The following NOS1 variants were observed in gnomAD, a reference collection of about 807,000 sequenced individuals.
The protein encoded by NOS1 is NOS type I.
In NOS1, 51 loss-of-function variants were observed where a neutral mutation model predicts 164.5. The ratio of observed to expected loss-of-function variants is 0.31; its 90% CI spans 0.25 to 0.39. The LOEUF is 0.39. Ranked by LOEUF, NOS1 falls within the 10% of genes least tolerant of loss-of-function variation. The pLI is 1.00. For missense variants in NOS1, 1,362 were observed against 1,885.6 expected, an observed-to-expected ratio of 0.72 and a Z score of 5.14; for synonymous variants, 719 against 745.8, an observed-to-expected ratio of 0.96 and a Z score of 0.59.
chr12:117,299,368 G>A (rs1485200469), intron 3 of NOS1, among the ~76,000 whole-genome samples: 3 of 152,166 alleles, frequency 2.0e-5, no homozygotes, highest in Non-Finnish European at 2.9e-5. Flanking sequence ...GCCGGGCGCG[G>A]TGGCTCACGC....
At chr12:117,280,204 C>A (rs937597893) in intron 8 of NOS1, among the ~76,000 whole-genome samples, 6 of 152,188 alleles carry the variant, frequency 3.9e-5, no homozygotes, top group Admixed American at 3.9e-4. Context: ...TTGACTTGGG[C>A]TACCAGTAAC....
At position 117,330,439 on chromosome 12, in the gene NOS1, G is replaced by T; in HGVS notation, c.631C>A (p.Pro211Thr). Residue 211 changes from proline (P) to threonine (T), a missense_variant, in exon 2 of 29, where the codon CCT becomes ACT. Coordinates refer to ENST00000317775, the MANE Select transcript of NOS1 (RefSeq NM_000620.5). The surrounding 1 kb of genome is among the most constrained non-coding windows in gnomAD (Gnocchi z 4.6). ...CCACTGGTGAGAAGGCTCAGCACAG[G>T]CTCTATCTCCTTGAGCAGTTCATTG... is the stretch of plus-strand genomic sequence containing the variant. ...ENNELLKEIE[P>T]VLSLLTSGSR... 1 of 1,614,170 alleles carries T rather than the reference G, an allele frequency of 6.2e-7. No homozygotes were observed. The highest frequency in any genetic ancestry group is 2.2e-5 in the East Asian group (1 of 44,860).
chr12:117,208,321 C>T lies in NOS1; in HGVS notation c.*6988G>A. On this transcript the variant is annotated 3_prime_UTR_variant, in exon 29 of 29. Transcript: ENST00000317775. Reference sequence around the variant, plus strand: ...GTCCTTCAAGGAAGGTGCTGGAGCACAGGGACACTTGGCAGAGATTAGCAG... The same window carrying T: ...GTCCTTCAAGGAAGGTGCTGGAGCATAGGGACACTTGGCAGAGATTAGCAG... 1 of 1,288,682 alleles carries T rather than the reference C, an allele frequency of 7.8e-7. No individual in the cohort carries two copies. The highest frequency in any genetic ancestry group is 1.0e-6 in the Non-Finnish European group (1 of 988,698). The allele number at this position is 1,288,682 out of a possible 1,614,324, so 79.8% of individuals were successfully genotyped here.
rs369881087 is a variant in NOS1, at chr12:117,222,898, T to C, written c.3827-35A>G. ...AGGAAGACCTTATGTCACCGATGGC[T>C]CTCTGCCTGATGTGCAGGGTGGCTG... On this transcript the variant is annotated intron_variant, in intron 25 of 28. Coordinates refer to ENST00000317775, the MANE Select transcript of NOS1 (RefSeq NM_000620.5). 2.5e-6 allele frequency: 4 copies of C among 1,603,334 alleles called. No individual in the cohort carries two copies. In the African/African-American group the frequency reaches 5.4e-5, roughly 21 times the overall value.
At chr12:117,221,318 C>T (rs1473476202) in intron 26 of NOS1, among the ~76,000 whole-genome samples, 1 of 146,782 alleles carries the variant, frequency 6.8e-6, no homozygotes. Flanking sequence ...CCACACCTGG[C>T]TTTTTTTTTT....
chr12:117,230,764 C>T lies in NOS1; in HGVS notation c.3405+1198G>A, dbSNP rs552134149. On this transcript the variant is annotated intron_variant, in intron 22 of 28. Coordinates refer to ENST00000317775, the MANE Select transcript of NOS1 (RefSeq NM_000620.5). ...CAGAGACCTCTGATCTCTAATAGTC[C>T]CCCCTGCAGCTCCTCTGCATTGGCA... is the stretch of plus-strand genomic sequence containing the variant. Among the ~76,000 whole-genome samples, 18 of 152,254 alleles carry T rather than the reference C, an allele frequency of 1.2e-4. No individual in the cohort carries two copies. In the South Asian group the frequency reaches 3.5e-3, roughly 30 times the overall value.
At chr12:117,346,952 G>A (rs1876381539) in intron 1 of NOS1, among the ~76,000 whole-genome samples, 1 of 152,164 alleles carries the variant, frequency 6.6e-6, no homozygotes, top group African/African-American at 2.4e-5. Context: ...GGTTAATACA[G>A]TTAAATTTTT....
chr12:117,357,030 G>C (rs549644719), intron 1 of NOS1, among the ~76,000 whole-genome samples: 4 of 152,260 alleles, frequency 2.6e-5, no homozygotes, highest in South Asian at 2.1e-4. Flanking sequence ...CTTATAAAAG[G>C]AATTTTTCTA....
chr12:117,358,664 G>A (rs138041554), intron 1 of NOS1, among the ~76,000 whole-genome samples: 12 of 152,318 alleles, frequency 7.9e-5, no homozygotes, highest in Middle Eastern at 6.8e-3. Context: ...GCTCAGAAAG[G>A]TTAAGTGATC....
rs1003685535 is a variant in NOS1, at chr12:117,279,262, A to G, written c.1525-1164T>C. ...CGTGGTGGTGCGCATCTGTAGTCCC[A>G]GCTACTCAGGAGGCAGAGGCAGGGG... On this transcript the variant is annotated intron_variant, in intron 8 of 28. Transcript: ENST00000317775. Among the ~76,000 whole-genome samples, 13 of 152,226 alleles carry G rather than the reference A, an allele frequency of 8.5e-5. No individual in the cohort carries two copies. The East Asian group carries it at 2.3e-3, about 27-fold the overall frequency.
intron 3 of NOS1, among the ~76,000 whole-genome samples, chr12:117,305,460 T>A (rs1593008572): frequency 1.5e-5 from 2 of 130,186 alleles, no homozygotes; most frequent in African/African-American, 5.5e-5. Flanking sequence ...TGAGACTCCA[T>A]CTCAAAAAAA....
At chr12:117,322,382 G>T (rs1452805329) in intron 2 of NOS1, among the ~76,000 whole-genome samples, 1 of 81,702 alleles carries the variant, frequency 1.2e-5, no homozygotes. Context: ...CCCCTCCCTC[G>T]TTCGTTCTCT....
intron 23 of NOS1, 80 bp from the exon 24 acceptor site, chr12:117,226,850 C>G: frequency 9.5e-7 from 1 of 1,054,194 alleles, no homozygotes; most frequent in Non-Finnish European, 1.5e-6. Context: ...TGCAAAATAC[C>G]CACAGGCCCA....
Position 117,234,885 on chromosome 12 carries a change from C to T in NOS1, c.3042-127G>A. 1.6e-6 allele frequency: 1 copy of T among 621,570 alleles called. No individual in the cohort carries two copies. The highest frequency in any genetic ancestry group is 2.7e-6 in the Non-Finnish European group (1 of 365,424). The allele number at this position is 621,570 out of a possible 1,614,324, so 38.5% of individuals were successfully genotyped here. A position where few individuals can be genotyped will look rare whatever the true frequency, so the allele number is the denominator to read the frequency against. On this transcript the variant is annotated intron_variant, in intron 20 of 28. Coordinates refer to ENST00000317775, the MANE Select transcript of NOS1 (RefSeq NM_000620.5). This position sits in a 1 kb window ranked among gnomAD's most constrained non-coding sequence, Gnocchi z 4.3. ...CATTCTTGTTGGGGCCCGTGCTAAC[C>T]AAGCCTATGCCCCCATCATTCTATT...
intron 1 of NOS1, among the ~76,000 whole-genome samples, chr12:117,343,826 A>G (rs1353863444): frequency 6.6e-6 from 1 of 152,214 alleles, no homozygotes; most frequent in Non-Finnish European, 1.5e-5. Flanking sequence ...GGGAAGAAAA[A>G]AGAAGTAAGA....
chr12:117,335,224 C>A lies in NOS1; in HGVS notation c.-420-3735G>T, dbSNP rs150735503. Among the ~76,000 whole-genome samples the A allele has an allele frequency of 4.5e-3, 692 of 152,158 alleles. 7 individuals carry two copies. Among genetic ancestry groups the A allele is most frequent in the African/African-American group, 0.016 (656 of 41,482 alleles). ...TGTCCAGCCAAAGGTACTTCAGGCG[C>A]CATGTAGAAGGGGGCCCTTCCCTTG... On this transcript the variant is annotated intron_variant, in intron 1 of 28. Transcript: ENST00000317775.
chr12:117,333,606 C>T (rs1451686851), intron 1 of NOS1, among the ~76,000 whole-genome samples: 3 of 152,154 alleles, frequency 2.0e-5, no homozygotes, highest in Non-Finnish European at 4.4e-5. Context: ...TCTGTCAGCC[C>T]CTCTGTGTGG....
At chr12:117,345,282 C>G (rs1876298103) in intron 1 of NOS1, among the ~76,000 whole-genome samples, 1 of 152,174 alleles carries the variant, frequency 6.6e-6, no homozygotes, top group African/African-American at 2.4e-5. Context: ...CTCGGCCTCC[C>G]AAAGTGCTGG....
rs932699769 is a variant in NOS1, at chr12:117,258,999, T to G, written c.2472+27A>C. 5 of 1,541,536 alleles carry G rather than the reference T, an allele frequency of 3.2e-6. No individual in the cohort carries two copies. The African/African-American group carries it at 6.8e-5, about 21-fold the overall frequency. Reference sequence around the variant, plus strand: ...CTTCTTCCTGATGATGGAACCACACTCTTGAACAGGTAAAAGCTCATCTCA... The same window carrying G: ...CTTCTTCCTGATGATGGAACCACACGCTTGAACAGGTAAAAGCTCATCTCA... On this transcript the variant is annotated intron_variant, in intron 15 of 28. Coordinates refer to ENST00000317775, the MANE Select transcript of NOS1 (RefSeq NM_000620.5).
Sources: allele counts gnomAD v4.1 joint callset (sites outside exome capture counted in the v4.1 genomes callset), GRCh38; gene constraint gnomAD v4.1.1; non-coding constraint Gnocchi (gnomAD v3.1); transcripts MANE v1.5; gene names NCBI Gene and HGNC (gene_info 2026-07-23, HGNC 2026-07-21).